SMIM17: variants seen among roughly 807,000 people sequenced by gnomAD.
The protein encoded by SMIM17 is small integral membrane protein 17.
A neutral mutation model predicts 12.2 loss-of-function variants in SMIM17; 10 were observed. That is an observed-to-expected ratio of 0.82 (90% CI 0.50 to 1.39). The LOEUF (loss-of-function observed/expected upper bound fraction) is 1.39. Among genes scored for constraint, SMIM17 ranks in the 40% most tolerant of loss-of-function variants. The probability of loss-of-function intolerance (pLI) is 0.00; values close to 1 mark genes in which losing one functional copy is unlikely to be tolerated. For synonymous variants in SMIM17, 50 were observed against 44.1 expected, an observed-to-expected ratio of 1.13 and a Z score of -0.53; for missense variants, 136 against 118.2, an observed-to-expected ratio of 1.15 and a Z score of -0.70.
At chr19:56,651,355 C>A (rs1390297590) in intron 3 of SMIM17, among the ~76,000 whole-genome samples, 1 of 152,100 alleles carries the variant, frequency 6.6e-6, no homozygotes, top group Non-Finnish European at 1.5e-5. Context: ...GAGATGAAGG[C>A]CTCTCTCTCC....
In SMIM17 at chr19:56,653,206, C is replaced by T. The variant is rs139585353; in HGVS notation, c.247-1897C>T. ...TCTCACTCCCCAGCCCTGGAAGCAA[C>T]TACAGTTCTTGATTTCCACTTGCAT... On this transcript the variant is annotated intron_variant, in intron 3 of 3. Transcript: ENST00000598409. Among the ~76,000 whole-genome samples, 344 of 152,280 alleles carry T rather than the reference C, an allele frequency of 2.3e-3. 1 individual carries two copies. Among genetic ancestry groups the T allele is most frequent in the African/African-American group, 7.6e-3 (314 of 41,542 alleles).
rs1475555240 is a variant in SMIM17 at position 56,647,646 on chromosome 19, G to A, written c.246+12G>A. On this transcript the variant is annotated intron_variant, in intron 3 of 3. Coordinates refer to ENST00000598409, the MANE Select transcript of SMIM17 (RefSeq NM_001193628.2). The stretch of plus-strand genomic sequence containing the variant: ...CAGAGGGCTCCCAGGTACACTGGGG[G>A]GTTTGTTCTTTTTCCACAAATGTCC... 2.0e-6 allele frequency: 3 copies of A among 1,534,716 alleles called. No homozygotes were observed. In the Admixed American group the frequency reaches 5.9e-5, roughly 30 times the overall value.
chr19:56,644,516 C>G (rs2045047194), intron 1 of SMIM17, among the ~76,000 whole-genome samples: 1 of 152,202 alleles, frequency 6.6e-6, no homozygotes, highest in African/African-American at 2.4e-5. Context: ...TTCCAGTCTT[C>G]TTTTGAGAAA....
intron 1 of SMIM17, among the ~76,000 whole-genome samples, chr19:56,645,116 T>C (rs62130909): frequency 0.53 from 79,716 of 149,344 alleles, 21,072 homozygotes; most frequent in East Asian, 0.76. Context: ...TATGTGAGTG[T>C]GTATGTGTGT....
intron 3 of SMIM17, among the ~76,000 whole-genome samples, chr19:56,654,636 A>G (rs2045135068): frequency 6.6e-6 from 1 of 152,168 alleles, no homozygotes; most frequent in South Asian, 2.1e-4. Context: ...CTGAAGGGGT[A>G]ATGGGAGGAA....
At chr19:56,648,558 A>G (rs1449141643) in intron 3 of SMIM17, among the ~76,000 whole-genome samples, 1 of 152,058 alleles carries the variant, frequency 6.6e-6, no homozygotes, top group Non-Finnish European at 1.5e-5. Context: ...TCATCCCTCT[A>G]CTACCTGTTG....
rs2045117093 is a variant in SMIM17 at position 56,652,485 on chromosome 19, T to A, written c.247-2618T>A. Among the ~76,000 whole-genome samples, 3 of 151,976 alleles carry A rather than the reference T, an allele frequency of 2.0e-5. No individual in the cohort carries two copies. In the South Asian group the frequency reaches 6.2e-4, roughly 32 times the overall value. On this transcript the variant is annotated intron_variant, in intron 3 of 3. Coordinates refer to ENST00000598409, the MANE Select transcript of SMIM17 (RefSeq NM_001193628.2). ...CTGGCCAAGACGGTGAAACCCCGTCTGTACTAAAAATACGAAAATTAGCTG... is the reference window on the plus strand; with the variant it reads ...CTGGCCAAGACGGTGAAACCCCGTCAGTACTAAAAATACGAAAATTAGCTG...
At chr19:56,649,773 G>A (rs2045095420) in intron 3 of SMIM17, among the ~76,000 whole-genome samples, 1 of 152,116 alleles carries the variant, frequency 6.6e-6, no homozygotes, top group East Asian at 1.9e-4. Context: ...TAGGAGGTGA[G>A]GTCATGGGGG....
intron 3 of SMIM17, among the ~76,000 whole-genome samples, chr19:56,649,691 G>C (rs1340902062): frequency 6.6e-6 from 1 of 152,144 alleles, no homozygotes; most frequent in African/African-American, 2.4e-5. Context: ...CTGAGGTACA[G>C]ATGTGCCTGG....
intron 1 of SMIM17, among the ~76,000 whole-genome samples, chr19:56,645,187 G>T (rs191485230): frequency 1.1e-3 from 162 of 143,660 alleles, no homozygotes; most frequent in African/African-American, 3.8e-3. Flanking sequence ...TAGTCTATGT[G>T]AGTGTGTGTG....
chr19:56,647,424 A>AGAGAGT, intron 2 of SMIM17, 134 bp from the exon 3 acceptor site: 1 of 168,100 alleles, frequency 5.9e-6, no homozygotes, highest in South Asian at 9.8e-5. Flanking sequence ...GGAGGGTGAG[A>AGAGAGT]GAGAGAGAGA....
chr19:56,654,110 T>C (rs993503233), intron 3 of SMIM17, among the ~76,000 whole-genome samples: 5 of 152,262 alleles, frequency 3.3e-5, no homozygotes, highest in Non-Finnish European at 5.9e-5. Flanking sequence ...GTTCATACCC[T>C]GTTCCAGGCA....
chr19:56,654,949 A>G (rs994654014), intron 3 of SMIM17, among the ~76,000 whole-genome samples, 154 bp from the exon 4 acceptor site: 1 of 152,180 alleles, frequency 6.6e-6, no homozygotes, highest in African/African-American at 2.4e-5. Flanking sequence ...TCTTTTGTTT[A>G]TCTTATATCT....
In SMIM17 at chr19:56,657,204, GCT is replaced by G. The variant is rs1407666508; in HGVS notation, c.*1992_*1993del. On this transcript the variant is annotated 3_prime_UTR_variant, in exon 4 of 4. Coordinates refer to ENST00000598409, the MANE Select transcript of SMIM17 (RefSeq NM_001193628.2). ...ATATGTAAAACACCATATGACAATG[GCT>G]GGCAGATAGTAGGCACTCAATAAAT... Among the ~76,000 whole-genome samples, 1 of 152,114 alleles carries G rather than the reference GCT, an allele frequency of 6.6e-6. No homozygotes were observed. The highest frequency in any genetic ancestry group is 1.5e-5 in the Non-Finnish European group (1 of 68,022).
chr19:56,655,059 C>A, intron 3 of SMIM17, 44 bp from the exon 4 acceptor site: 1 of 619,004 alleles, frequency 1.6e-6, no homozygotes, highest in Non-Finnish European at 3.0e-6. Flanking sequence ...CAATGGTGGC[C>A]CCTTCCTTTC....
Position 56,655,228 on chromosome 19 carries a change from G to A in SMIM17, c.*15G>A, listed in dbSNP as rs931724862. On this transcript the variant is annotated 3_prime_UTR_variant, in exon 4 of 4. Coordinates refer to ENST00000598409, the MANE Select transcript of SMIM17 (RefSeq NM_001193628.2). ...TTCACATTTAACTATAATGGTGGCT[G>A]TTGTTTTAAAAGTTTAATTTAATGA... 4.3e-6 allele frequency: 3 copies of A among 698,494 alleles called. No individual in the cohort carries two copies. Among genetic ancestry groups the A allele is most frequent in the East Asian group, 2.7e-5 (1 of 37,248 alleles). The allele number at this position is 698,494 out of a possible 1,614,324, so 43.3% of individuals were successfully genotyped here.
intron 2 of SMIM17, among the ~76,000 whole-genome samples, chr19:56,647,115 G>A (rs1024263234): frequency 6.6e-6 from 1 of 152,106 alleles, no homozygotes; most frequent in African/African-American, 2.4e-5. Context: ...TTCTTTGGAA[G>A]CTGGGGAAGC....
intron 3 of SMIM17, among the ~76,000 whole-genome samples, chr19:56,651,307 T>C (rs1182247968): frequency 1.3e-5 from 2 of 152,160 alleles, no homozygotes; most frequent in African/African-American, 4.8e-5. Flanking sequence ...ACCCAGCATG[T>C]CTCTTAACCA....
intron 1 of SMIM17, among the ~76,000 whole-genome samples, chr19:56,643,448 A>C (rs28406517): frequency 0.59 from 90,388 of 151,958 alleles, 27,681 homozygotes; most frequent in African/African-American, 0.75. Flanking sequence ...TCCGCAGCGG[A>C]GGTCTGTGTC....
Sources: allele counts gnomAD v4.1 joint callset (sites outside exome capture counted in the v4.1 genomes callset), GRCh38; gene constraint gnomAD v4.1.1; transcripts MANE v1.5; gene names NCBI Gene and HGNC (gene_info 2026-07-23, HGNC 2026-07-21).